Variants in DPF3 observed in about 807,000 individuals in gnomAD.
DPF3 encodes zinc finger protein DPF3.
Under a neutral mutation model 56.8 loss-of-function variants are expected in DPF3, and 18 were observed. The observed-to-expected ratio is 0.32, with a 90% CI of 0.22 to 0.47. The LOEUF is 0.47. DPF3 is among the 20% of genes least tolerant of loss of function. DPF3 has a pLI of 1.00. For synonymous variants in DPF3, 188 were observed against 180.2 expected, an observed-to-expected ratio of 1.04 and a Z score of -0.35; for missense variants, 403 against 488.8, an observed-to-expected ratio of 0.82 and a Z score of 1.65.
intron 7 of DPF3, among the ~76,000 whole-genome samples, chr14:72,678,757 C>T (rs745551520): frequency 2.0e-5 from 3 of 152,088 alleles, no homozygotes; most frequent in Non-Finnish European, 2.9e-5. Flanking sequence ...GCAGCATCTG[C>T]GATGATGGAT....
intron 5 of DPF3, 128 bp from the exon 6 acceptor site, chr14:72,714,629 A>G (rs1599378924): frequency 1.9e-6 from 2 of 1,036,160 alleles, no homozygotes; most frequent in Non-Finnish European, 1.4e-6. Flanking sequence ...CCCATCTTAC[A>G]GGGGAGGAAA....
intron 1 of DPF3, chr14:72,836,440 C>T: frequency 1.0e-6 from 1 of 985,654 alleles, no homozygotes; most frequent in Non-Finnish European, 1.2e-6. Context: ...TCCTCCATGC[C>T]TCCCTGCTCC....
chr14:72,634,721 A>G (rs1463524473), intron 8 of DPF3, among the ~76,000 whole-genome samples: 2 of 152,078 alleles, frequency 1.3e-5, no homozygotes, highest in Middle Eastern at 3.4e-3. Context: ...TTTTGCACCA[A>G]CCTAATACTT....
chr14:72,673,036 G>A (rs2153570612), intron 8 of DPF3, among the ~76,000 whole-genome samples: 1 of 152,286 alleles, frequency 6.6e-6, no homozygotes, highest in African/African-American at 2.4e-5. Flanking sequence ...TGAACTGACA[G>A]AATTGCACAA....
At chr14:72,887,925 A>G (rs374533099) in intron 1 of DPF3, among the ~76,000 whole-genome samples, 3 of 152,316 alleles carry the variant, frequency 2.0e-5, no homozygotes, top group East Asian at 3.9e-4. Context: ...GGAGCTTCCA[A>G]GTGCAGATCA....
chr14:72,670,609 T>C, intron 8 of DPF3: 1 of 989,302 alleles, frequency 1.0e-6, no homozygotes, highest in Non-Finnish European at 1.2e-6. Flanking sequence ...CTAAACAGGA[T>C]ATTGCTTCGA....
At chr14:72,761,254 A>T (rs554568190) in intron 2 of DPF3, among the ~76,000 whole-genome samples, 1 of 152,280 alleles carries the variant, frequency 6.6e-6, no homozygotes, top group South Asian at 2.1e-4. Context: ...CATTCCAAAC[A>T]ACAACAGCAA....
intron 8 of DPF3, among the ~76,000 whole-genome samples, chr14:72,673,471 C>T (rs1297311120): frequency 1.3e-5 from 2 of 152,184 alleles, no homozygotes; most frequent in East Asian, 3.8e-4. Context: ...TACCAACCAA[C>T]CATGGCCAGC....
intron 1 of DPF3, among the ~76,000 whole-genome samples, chr14:72,864,925 G>C (rs2140103274): frequency 6.6e-6 from 1 of 152,334 alleles, no homozygotes; most frequent in South Asian, 2.1e-4. Context: ...CCAAGGTTAA[G>C]CCAATATGAC....
Position 72,674,285 on chromosome 14 carries a change from C to T in DPF3, c.826G>A (p.Gly276Arg), listed in dbSNP as rs1376029917. The T allele has an allele frequency of 6.2e-7, 1 of 1,612,562 alleles. No homozygotes were observed. The highest frequency in any genetic ancestry group is 8.5e-7 in the Non-Finnish European group (1 of 1,179,444). Residue 276 changes from glycine (G) to arginine (R), a missense_variant, in exon 8 of 11, where the codon GGG becomes AGG. Transcript: ENST00000556509. ...CAGGACACCAGCTCTTCAGGCCGCCCACTCTTCTTGTTCATGTTGGAGCCC... is the reference window on the plus strand; with the variant it reads ...CAGGACACCAGCTCTTCAGGCCGCCTACTCTTCTTGTTCATGTTGGAGCCC... Reference protein sequence around the residue: ...LGGSNMNKKSGRPEELVSCAD... With the variant: ...LGGSNMNKKSRRPEELVSCAD...
At chr14:72,843,305 G>C (rs200237747) in intron 1 of DPF3, among the ~76,000 whole-genome samples, 1 of 152,088 alleles carries the variant, frequency 6.6e-6, no homozygotes, top group Admixed American at 6.5e-5. Flanking sequence ...GCTGAGTCCG[G>C]GTTTGCTTCA....
At chr14:72,815,456 T>C (rs552128817) in intron 1 of DPF3, among the ~76,000 whole-genome samples, 2 of 152,394 alleles carry the variant, frequency 1.3e-5, no homozygotes, top group Non-Finnish European at 2.9e-5. Context: ...TATACAATTA[T>C]ATTTTCATTT....
At chr14:72,893,181 C>T (rs1442220969) in intron 1 of DPF3, among the ~76,000 whole-genome samples, 2 of 152,176 alleles carry the variant, frequency 1.3e-5, no homozygotes, top group Non-Finnish European at 2.9e-5. Flanking sequence ...CCTCGCCCGG[C>T]CGGGAGCAGA....
rs185652970 is a variant in DPF3 at position 72,774,089 on chromosome 14, A to G, written c.33-2196T>C. 7.4e-6 allele frequency: 3 copies of G among 403,020 alleles called. No individual in the cohort carries two copies. In the East Asian group the frequency reaches 2.1e-4, roughly 29 times the overall value. The allele number at this position is 403,020 out of a possible 1,614,324, so 25.0% of individuals were successfully genotyped here. A position where few individuals can be genotyped will look rare whatever the true frequency, so the allele number is the denominator to read the frequency against. ...CGCCTGAGGTCAGGAGTTCGAGACCAGCCTGGCCAACATGGTGACACCCCG... is the reference window on the plus strand; with the variant it reads ...CGCCTGAGGTCAGGAGTTCGAGACCGGCCTGGCCAACATGGTGACACCCCG... On this transcript the variant is annotated intron_variant, in intron 1 of 10. Coordinates refer to ENST00000556509, the MANE Select transcript of DPF3 (RefSeq NM_001280542.3).
intron 1 of DPF3, among the ~76,000 whole-genome samples, chr14:72,798,675 T>G (rs1892736631): frequency 6.6e-6 from 1 of 152,172 alleles, no homozygotes; most frequent in Non-Finnish European, 1.5e-5. Flanking sequence ...CCTTTCCCTT[T>G]CCAGAGACTT....
At chr14:72,691,727 GA>G (rs897407839) in intron 7 of DPF3, among the ~76,000 whole-genome samples, 81 of 137,308 alleles carry the variant, frequency 5.9e-4, no homozygotes, top group South Asian at 7.0e-4. Context: ...CTCCGTCTCA[GA>G]AAAAAAAAAA....
At chr14:72,662,152 GA>G (rs886900208) in intron 8 of DPF3, 218 of 980,620 alleles carry the variant, frequency 2.2e-4, no homozygotes, top group Non-Finnish European at 2.5e-4. Flanking sequence ...TTTGAAGGAG[GA>G]AAAAAAAACT....
intron 5 of DPF3, among the ~76,000 whole-genome samples, chr14:72,715,001 G>A (rs1888850753): frequency 6.6e-6 from 1 of 152,196 alleles, no homozygotes; most frequent in Admixed American, 6.5e-5. Context: ...GGCAAGGCTA[G>A]GCTTCTGTGT....
chr14:72,782,018 C>T (rs1481550499), intron 1 of DPF3, among the ~76,000 whole-genome samples: 5 of 152,086 alleles, frequency 3.3e-5, no homozygotes, highest in Admixed American at 6.5e-5. Context: ...GCTGGGCACT[C>T]GGATGTTGCC....
Sources: gnomAD v4.1 joint callset for allele counts (sites outside exome capture counted in the v4.1 genomes callset) on GRCh38, gnomAD v4.1.1 for gene constraint, MANE v1.5 for transcripts, NCBI Gene and HGNC (gene_info 2026-07-23, HGNC 2026-07-21) for gene names.